Variants in DOT1L observed in about 807,000 individuals in gnomAD.
The protein encoded by DOT1L is DOT1 like histone lysine methyltransferase.
Under a neutral mutation model 153.3 loss-of-function variants are expected in DOT1L, and 33 were observed. That is an observed-to-expected ratio of 0.22 (90% CI 0.16 to 0.29). DOT1L has a LOEUF of 0.29. Ranked by LOEUF, DOT1L falls within the 10% of genes least tolerant of loss-of-function variation. DOT1L has a pLI of 1.00. For missense variants in DOT1L, 1,847 were observed against 2,119.9 expected (o/e 0.87, Z 2.53); for synonymous variants, 1,135 against 965.1 (o/e 1.18, Z -3.26).
chr19:2,164,345 G>C, intron 1 of DOT1L, 80 bp downstream of exon 1: 1 of 1,024,516 alleles, frequency 9.8e-7, no homozygotes, highest in Non-Finnish European at 1.2e-6. Context: ...ACCCCCCCAA[G>C]CCGCGCTCAC....
In DOT1L at chr19:2,208,814, C is replaced by G; in HGVS notation, c.964-121C>G. 9.8e-7 allele frequency: 1 copy of G among 1,021,296 alleles called. No individual in the cohort carries two copies. The highest frequency in any genetic ancestry group is 1.5e-6 in the Non-Finnish European group (1 of 681,556). The allele number at this position is 1,021,296 out of a possible 1,614,324, so 63.3% of individuals were successfully genotyped here. On this transcript the variant is annotated intron_variant, in intron 11 of 27. Transcript: ENST00000398665. The surrounding 1 kb of genome is among the most constrained non-coding windows in gnomAD (Gnocchi z 4.4). ...GGCTCTAGCTGCATGCCTGCTGTCC[C>G]CAGATACCAGAACAGCCTCCCCAGC...
At chr19:2,184,066 A>G (rs77395838) in intron 2 of DOT1L, among the ~76,000 whole-genome samples, 4,144 of 152,282 alleles carry the variant, frequency 0.027, 91 homozygotes, top group South Asian at 0.048. Flanking sequence ...GTGGCGCAGA[A>G]CCACGGGACT....
chr19:2,230,104 TAA>T lies in DOT1L; in HGVS notation c.*314_*315del, dbSNP rs2024533590. 1 of 550,394 alleles carries T rather than the reference TAA, an allele frequency of 1.8e-6. No individual in the cohort carries two copies. 34.1% of individuals were successfully genotyped at this position (550,394 alleles called of 1,614,324 possible). ...AATATCTATATATGAGAGCTCTATATAAAGACACGTGTCTGCAGGGCGGGCCC... is the reference window on the plus strand; with the variant it reads ...AATATCTATATATGAGAGCTCTATATAGACACGTGTCTGCAGGGCGGGCCC... On this transcript the variant is annotated 3_prime_UTR_variant, in exon 28 of 28. Transcript: ENST00000398665.
rs570011514 is a variant in DOT1L, at chr19:2,208,316, G to A, written c.964-619G>A. ...ACTCTGTTCCTGTTGTTGGGGTAGC[G>A]GTGGTTTTCCTTACGGTGGTGCTGG... On this transcript the variant is annotated intron_variant, in intron 11 of 27. Coordinates refer to ENST00000398665, the MANE Select transcript of DOT1L (RefSeq NM_032482.3). This position sits in a 1 kb window ranked among gnomAD's most constrained non-coding sequence, Gnocchi z 4.4. Among the ~76,000 whole-genome samples the A allele has an allele frequency of 3.3e-5, 5 of 152,250 alleles. No individual in the cohort carries two copies. Among genetic ancestry groups the A allele is most frequent in the Admixed American group, 6.5e-5 (1 of 15,300 alleles).
chr19:2,224,769 GTGT>G (rs1445595219), intron 25 of DOT1L, among the ~76,000 whole-genome samples: 6 of 152,226 alleles, frequency 3.9e-5, no homozygotes, highest in Non-Finnish European at 7.3e-5. Flanking sequence ...GCTTTTGGTG[GTGT>G]TCTGTGTTAG....
At chr19:2,210,051 G>A (rs961251836) in intron 12 of DOT1L, among the ~76,000 whole-genome samples, 1 of 152,234 alleles carries the variant, frequency 6.6e-6, no homozygotes, top group Non-Finnish European at 1.5e-5. Context: ...GAGGCTGTGG[G>A]CTGTGGCTTC....
chr19:2,168,364 G>A (rs2020006290), intron 1 of DOT1L, among the ~76,000 whole-genome samples: 2 of 152,228 alleles, frequency 1.3e-5, no homozygotes, highest in South Asian at 4.1e-4. Context: ...CAGAGATACT[G>A]TGCTGAGTAC....
chr19:2,180,813 A>G (rs2022197144), intron 2 of DOT1L, 57 bp downstream of exon 2: 2 of 1,601,236 alleles, frequency 1.2e-6, no homozygotes, highest in Non-Finnish European at 8.5e-7. Flanking sequence ...TTCCGTGGAC[A>G]CCCGTGCCCT....
At chr19:2,224,527 G>GCGCGATCTCGGCTCACTGACCCTCCGCCT (rs2024252133) in intron 25 of DOT1L, among the ~76,000 whole-genome samples, 1 of 151,188 alleles carries the variant, frequency 6.6e-6, no homozygotes, top group Non-Finnish European at 1.5e-5. Context: ...GAGTGCGGTG[G>GCGCGATCTCGGCTCACTGACCCTCCGCCT]CGCGATCTCG....
Position 2,216,232 on chromosome 19 carries a change from G to C in DOT1L, c.1924-49G>C, listed in dbSNP as rs574022778. The C allele has an allele frequency of 9.1e-5, 139 of 1,523,914 alleles. No homozygotes were observed. In the South Asian group the frequency reaches 1.6e-3, roughly 18 times the overall value. 94.4% of individuals were successfully genotyped at this position (1,523,914 alleles called of 1,614,324 possible). On this transcript the variant is annotated intron_variant, in intron 19 of 27. Coordinates refer to ENST00000398665, the MANE Select transcript of DOT1L (RefSeq NM_032482.3). The stretch of plus-strand genomic sequence containing the variant: ...CCATCTGTGGCAGTCTTGGTTCCCT[G>C]GAGTGGTCCCCCGGTGGGGCGGGCC...
Position 2,193,385 on chromosome 19 carries a change from T to C in DOT1L, c.494-304T>C, listed in dbSNP as rs1046550257. On this transcript the variant is annotated intron_variant, in intron 5 of 27. Coordinates refer to ENST00000398665, the MANE Select transcript of DOT1L (RefSeq NM_032482.3). The surrounding 1 kb of genome is among the most constrained non-coding windows in gnomAD (Gnocchi z 5.9). The stretch of plus-strand genomic sequence containing the variant: ...CTGCAAAGTCTTGGGCAGCCCTGTC[T>C]GTCTGAACAGTGAACATCACATAGG... 1.3e-5 allele frequency among the ~76,000 whole-genome samples: 2 copies of C among 152,248 alleles called. No homozygotes were observed. Among genetic ancestry groups the C allele is most frequent in the East Asian group, 1.9e-4 (1 of 5,202 alleles).
At position 2,226,467 on chromosome 19, in the gene DOT1L, T is replaced by C; in HGVS notation, c.3946T>C (p.Cys1316Arg). 6.2e-7 allele frequency: 1 copy of C among 1,601,862 alleles called. No homozygotes were observed. The highest frequency in any genetic ancestry group is 8.5e-7 in the Non-Finnish European group (1 of 1,179,636). Reference protein sequence around the residue: ...LSPGTNPANGCTFGGGLAADL... With the variant: ...LSPGTNPANGRTFGGGLAADL... ...CCCGGGCACCAACCCTGCCAACGGC[T>C]GCACCTTCGGCGGGGGCCTGGCCGC... Residue 1316 changes from cysteine to arginine, a missense_variant, in exon 27 of 28, where the codon TGC (cysteine) becomes CGC (arginine). Around this residue, in one of 8 missense-constraint regions of DOT1L, gnomAD observed 934 missense variants for 825.3 expected, o/e 1.13. Coordinates refer to ENST00000398665, the MANE Select transcript of DOT1L (RefSeq NM_032482.3).
chr19:2,186,571 A>G (rs2022516559), intron 3 of DOT1L, among the ~76,000 whole-genome samples: 1 of 152,170 alleles, frequency 6.6e-6, no homozygotes, highest in African/African-American at 2.4e-5. Context: ...CCCTCTCCAC[A>G]GAGAGTCAAG....
At position 2,207,425 on chromosome 19, in the gene DOT1L, G is replaced by C. The variant is rs1403902955; in HGVS notation, c.857-149G>C. 1 of 654,454 alleles carries C rather than the reference G, an allele frequency of 1.5e-6. No individual in the cohort carries two copies. The highest frequency in any genetic ancestry group is 2.0e-5 in the South Asian group (1 of 50,606). The allele number at this position is 654,454 out of a possible 1,614,324, so 40.5% of individuals were successfully genotyped here. On this transcript the variant is annotated intron_variant, in intron 10 of 27. Coordinates refer to ENST00000398665, the MANE Select transcript of DOT1L (RefSeq NM_032482.3). This position sits in a 1 kb window ranked among gnomAD's most constrained non-coding sequence, Gnocchi z 4.5. ...GGTGCACCTCCCTGGGCCGGCCTCT[G>C]TGGGCCACTGTGGCCTGACGCAGTG...
chr19:2,209,348 T>A (rs1374922128), intron 12 of DOT1L, among the ~76,000 whole-genome samples: 10 of 152,236 alleles, frequency 6.6e-5, no homozygotes, highest in Admixed American at 6.5e-4. Context: ...GGGACATCCT[T>A]CCCCTTGTTA....
rs796535510 is a variant in DOT1L at position 2,192,212 on chromosome 19, G to T, written c.493+972G>T. Among the ~76,000 whole-genome samples the T allele has an allele frequency of 2.6e-5, 4 of 152,382 alleles. No homozygotes were observed. In the South Asian group the frequency reaches 8.3e-4, roughly 32 times the overall value. On this transcript the variant is annotated intron_variant, in intron 5 of 27. Transcript: ENST00000398665. ...GCAGGGACCAAGAGGACTTTGCACA[G>T]ACTGGGTGTGGCAGCTCACGCCTGT...
chr19:2,190,072 C>A lies in DOT1L; in HGVS notation c.264+277C>A, dbSNP rs2022725598. Among the ~76,000 whole-genome samples the A allele has an allele frequency of 6.6e-6, 1 of 152,144 alleles. No individual in the cohort carries two copies. Among genetic ancestry groups the A allele is most frequent in the Non-Finnish European group, 1.5e-5 (1 of 68,024 alleles). On this transcript the variant is annotated intron_variant, in intron 4 of 27. Coordinates refer to ENST00000398665, the MANE Select transcript of DOT1L (RefSeq NM_032482.3). The surrounding 1 kb of genome is among the most constrained non-coding windows in gnomAD (Gnocchi z 4.8). ...TGGTGTCTGCACACGCCTCTGCAGC[C>A]CTGGGTTGGTGTCCGCAGGTCCCAG... is the stretch of plus-strand genomic sequence containing the variant.
intron 15 of DOT1L, among the ~76,000 whole-genome samples, chr19:2,211,431 C>CATA (rs1451365143): frequency 2.6e-5 from 4 of 152,194 alleles, no homozygotes; most frequent in Non-Finnish European, 5.9e-5. Flanking sequence ...TGCTGGGTGA[C>CATA]ACTTGGGACG....
At chr19:2,195,855 G>C (rs1202011243) in intron 7 of DOT1L, among the ~76,000 whole-genome samples, 1 of 152,208 alleles carries the variant, frequency 6.6e-6, no homozygotes, top group Non-Finnish European at 1.5e-5. Context: ...AGTGTTCAGG[G>C]GTCCTGTTGT....
Sources: allele counts gnomAD v4.1 joint callset (sites outside exome capture counted in the v4.1 genomes callset), GRCh38; gene constraint gnomAD v4.1.1; regional missense constraint gnomAD v4.1.1; non-coding constraint Gnocchi (gnomAD v3.1); transcripts MANE v1.5; gene names NCBI Gene and HGNC (gene_info 2026-07-23, HGNC 2026-07-21).